The following UGT1A4 variants were observed in gnomAD, a reference collection of about 807,000 sequenced individuals.
UGT1A4 encodes the protein UDP glucuronosyltransferase family 1 member A4.
In UGT1A4, 32 loss-of-function variants were observed where a neutral mutation model predicts 41.1. That is an observed-to-expected ratio of 0.78 (90% CI 0.59 to 1.05). UGT1A4 has a LOEUF of 1.05. Ranked by LOEUF, UGT1A4 falls within the 50% of genes least tolerant of loss-of-function variation. UGT1A4 has a pLI of 0.00. For missense variants in UGT1A4, 748 were observed against 677.4 expected (o/e 1.10, Z -1.16); for synonymous variants, 283 against 265.1 (o/e 1.07, Z -0.66).
Position 233,772,527 on chromosome 2 carries a change from G to C in UGT1A4, c.1573G>C (p.Val525Leu), listed in dbSNP as rs769084242. The part of the protein sequence containing the change: ...YRKCLGKKGR[V>L]KKAHKSKTH ...GAAATGCTTGGGGAAAAAAGGGCGA[G>C]TTAAGAAAGCCCACAAATCCAAGAC... Residue 525 changes from valine to leucine, a missense_variant, in exon 5 of 5, where the codon GTT (valine) becomes CTT (leucine). Physicochemically the swap from Val to Leu is conservative, Grantham distance 32 (BLOSUM62 1). Coordinates refer to ENST00000373409, the MANE Select transcript of UGT1A4 (RefSeq NM_007120.3). The C allele has an allele frequency of 1.9e-6, 3 of 1,614,046 alleles. No homozygotes were observed. The highest frequency in any genetic ancestry group is 1.6e-4 in the Middle Eastern group (1 of 6,084).
In UGT1A4 at chr2:233,769,710, C is replaced by T. The variant is rs1472517831; in HGVS notation, c.1307+1271C>T. 9.9e-6 allele frequency: 15 copies of T among 1,507,706 alleles called. No homozygotes were observed. Among genetic ancestry groups the T allele is most frequent in the African/African-American group, 1.4e-5 (1 of 72,712 alleles). The allele number at this position is 1,507,706 out of a possible 1,614,324, so 93.4% of individuals were successfully genotyped here. A position where few individuals can be genotyped will look rare whatever the true frequency, so the allele number is the denominator to read the frequency against. On this transcript the variant is annotated intron_variant, in intron 4 of 4. Transcript: ENST00000373409. The surrounding 1 kb of genome is among the most constrained non-coding windows in gnomAD (Gnocchi z 4.4). ...GCACTGGATAAAAGATCAATGTTGG[C>T]TAGGCACCATGGCACACGCCTGTAG...
intron 1 of UGT1A4, among the ~76,000 whole-genome samples, chr2:233,731,284 C>CTTTTTTTTTTTTT (rs78127606): frequency 7.2e-6 from 1 of 139,766 alleles, no homozygotes. Context: ...GTTTTTCTTT[C>CTTTTTTTTTTTTT]TTTTTTTTTT....
intron 1 of UGT1A4, chr2:233,741,799 G>C (rs1253457401): frequency 6.6e-6 from 1 of 151,906 alleles, no homozygotes; most frequent in Non-Finnish European, 1.5e-5. Flanking sequence ...TTACCAGCAT[G>C]CTGCTCTTAA....
At chr2:233,754,746 A>G (rs1695573516) in intron 1 of UGT1A4, 1 of 757,186 alleles carries the variant, frequency 1.3e-6, no homozygotes, top group Non-Finnish European at 2.0e-6. Flanking sequence ...GGACATGCAG[A>G]AGGAAGAAAG....
At position 233,769,777 on chromosome 2, in the gene UGT1A4, C is replaced by G. The variant is rs1699936976; in HGVS notation, c.1307+1338C>G. 7.3e-7 allele frequency: 1 copy of G among 1,373,454 alleles called. No homozygotes were observed. The highest frequency in any genetic ancestry group is 2.6e-5 in the East Asian group (1 of 38,744). 85.1% of individuals were successfully genotyped at this position (1,373,454 alleles called of 1,614,324 possible). ...GGCTAAGGCGGGAGGATTGCTTGAG[C>G]CCAGAAGTTGGAGGCTGCTATGAGC... On this transcript the variant is annotated intron_variant, in intron 4 of 4. Coordinates refer to ENST00000373409, the MANE Select transcript of UGT1A4 (RefSeq NM_007120.3). The surrounding 1 kb of genome is among the most constrained non-coding windows in gnomAD (Gnocchi z 4.4).
At chr2:233,764,324 A>C (rs1432372938) in intron 1 of UGT1A4, among the ~76,000 whole-genome samples, 1 of 152,154 alleles carries the variant, frequency 6.6e-6, no homozygotes, top group Non-Finnish European at 1.5e-5. Context: ...AGCTTTGCCA[A>C]GTAGGGGATG....
At chr2:233,763,682 G>T (rs17864705) in intron 1 of UGT1A4, among the ~76,000 whole-genome samples, 10,348 of 152,178 alleles carry the variant, frequency 0.068, 497 homozygotes, top group East Asian at 0.2. Context: ...TAAGAATAAA[G>T]ATAAAACTTT....
At chr2:233,738,589 T>A (rs765619783) in intron 1 of UGT1A4, among the ~76,000 whole-genome samples, 10 of 152,236 alleles carry the variant, frequency 6.6e-5, no homozygotes, top group Admixed American at 1.3e-4. Flanking sequence ...CAAAGGTCAC[T>A]CTTGCTAAGC....
At chr2:233,730,586 G>A (rs2078050719) in intron 1 of UGT1A4, among the ~76,000 whole-genome samples, 1 of 152,116 alleles carries the variant, frequency 6.6e-6, no homozygotes, top group Admixed American at 6.6e-5. Context: ...TTCCAGACAG[G>A]GATCTGTGCT....
chr2:233,762,018 T>C (rs141035986), intron 1 of UGT1A4, among the ~76,000 whole-genome samples: 3 of 152,328 alleles, frequency 2.0e-5, no homozygotes, highest in African/African-American at 7.2e-5. Flanking sequence ...ATGTGATTTG[T>C]ATTTTATTTT....
At chr2:233,755,222 G>A in intron 1 of UGT1A4, 1 of 994,216 alleles carries the variant, frequency 1.0e-6, no homozygotes, top group Admixed American at 1.9e-5. Flanking sequence ...TGATACCCTC[G>A]GACGAGGCCT....
At chr2:233,733,215 C>T (rs1311837703) in intron 1 of UGT1A4, among the ~76,000 whole-genome samples, 2 of 152,150 alleles carry the variant, frequency 1.3e-5, no homozygotes, top group East Asian at 3.8e-4. Flanking sequence ...TGGGCTGAGA[C>T]AATGGGGTTT....
intron 1 of UGT1A4, among the ~76,000 whole-genome samples, chr2:233,759,233 GA>G (rs1406502603): frequency 6.6e-6 from 1 of 152,188 alleles, no homozygotes; most frequent in Non-Finnish European, 1.5e-5. Flanking sequence ...ATGAAGGATG[GA>G]AACTTGCTTA....
intron 1 of UGT1A4, among the ~76,000 whole-genome samples, chr2:233,736,722 G>A (rs149071654): frequency 0.034 from 5,130 of 151,780 alleles, 99 homozygotes; most frequent in African/African-American, 0.051. Flanking sequence ...CCTTTTTGTT[G>A]ATGTTTATGC....
At position 233,769,202 on chromosome 2, in the gene UGT1A4, CACAG is replaced by C. The variant is rs1699813403; in HGVS notation, c.1307+767_1307+770del. Among the ~76,000 whole-genome samples the C allele has an allele frequency of 6.6e-6, 1 of 152,204 alleles. No homozygotes were observed. Among genetic ancestry groups the C allele is most frequent in the African/African-American group, 2.4e-5 (1 of 41,446 alleles). On this transcript the variant is annotated intron_variant, in intron 4 of 4. Coordinates refer to ENST00000373409, the MANE Select transcript of UGT1A4 (RefSeq NM_007120.3). The surrounding 1 kb of genome is among the most constrained non-coding windows in gnomAD (Gnocchi z 4.4). ...TATGAATGAAGGAGCTATAAGATAT[CACAG>C]ACAAAGTCTTAGAATAAGAGCAAAG...
chr2:233,762,622 T>C (rs772893097), intron 1 of UGT1A4, among the ~76,000 whole-genome samples: 2 of 152,196 alleles, frequency 1.3e-5, no homozygotes, highest in African/African-American at 4.8e-5. Context: ...TGTTGTGACC[T>C]CAAACACTTC....
rs1559364649 is a variant in UGT1A4 at position 233,719,313 on chromosome 2, C to CT, written c.494dup (p.Ser166ValfsTer14). The CT allele has an allele frequency of 3.7e-6, 6 of 1,613,954 alleles. No homozygotes were observed. Among genetic ancestry groups the CT allele is most frequent in the Non-Finnish European group, 5.1e-6 (6 of 1,179,882 alleles). On this transcript the variant is annotated frameshift_variant, in exon 1 of 5. Transcript: ENST00000373409. LOFTEE classifies it high-confidence loss of function. ...CTGTGGGGCGGTGCTGGCTAAGTAC[C>CT]TGTCGATTCCTGCTGTGTTTTTTTG...
chr2:233,721,160 T>G (rs1327409494), intron 1 of UGT1A4, among the ~76,000 whole-genome samples: 1 of 152,228 alleles, frequency 6.6e-6, no homozygotes. Context: ...CACTAAACTT[T>G]ATTTTTGTTT....
chr2:233,725,249 G>GGAGGCAGAGGCAGAGGAGGCAGAGGCA (rs1559370464), intron 1 of UGT1A4, among the ~76,000 whole-genome samples: 1 of 48,520 alleles, frequency 2.1e-5, no homozygotes, highest in Non-Finnish European at 3.8e-5. Context: ...CAGAGGCAGA[G>GGAGGCAGAGGCAGAGGAGGCAGAGGCA]GAGGCAGAGG....
Sources: gnomAD v4.1 joint callset for allele counts (sites outside exome capture counted in the v4.1 genomes callset) on GRCh38, gnomAD v4.1.1 for gene constraint, Gnocchi (gnomAD v3.1) non-coding constraint, MANE v1.5 for transcripts, NCBI Gene and HGNC (gene_info 2026-07-23, HGNC 2026-07-21) for gene names.